The following GRAMD2B variants were observed in gnomAD, a reference collection of about 807,000 sequenced individuals.
The protein encoded by GRAMD2B is GRAM domain-containing protein 2B.
GRAMD2B carries 41 observed loss-of-function variants against 59.2 expected under a neutral mutation model. That is an observed-to-expected ratio of 0.69 (90% CI 0.54 to 0.90). The LOEUF is 0.90. GRAMD2B is among the 40% of genes least tolerant of loss of function. GRAMD2B has a pLI of 0.00. For synonymous variants in GRAMD2B, 161 were observed against 182.7 expected (o/e 0.88, Z 0.96); for missense variants, 424 against 500.5 (o/e 0.85, Z 1.46).
At chr5:126,361,759 C>A (rs557256432) in intron 1 of GRAMD2B, among the ~76,000 whole-genome samples, 1 of 152,210 alleles carries the variant, frequency 6.6e-6, no homozygotes, top group South Asian at 2.1e-4. Flanking sequence ...GGGCAGAGGT[C>A]CCATTCTAAC....
intron 3 of GRAMD2B, among the ~76,000 whole-genome samples, chr5:126,471,759 G>C (rs899342036): frequency 5.9e-5 from 9 of 152,156 alleles, no homozygotes; most frequent in Non-Finnish European, 1.2e-4. Context: ...GGAAACCAAG[G>C]CCCAGGGAGA....
chr5:126,467,269 C>G (rs1259175952), intron 2 of GRAMD2B, among the ~76,000 whole-genome samples: 1 of 151,758 alleles, frequency 6.6e-6, no homozygotes, highest in Non-Finnish European at 1.5e-5. Flanking sequence ...GACTTTGTCT[C>G]TATATAAAAA....
At chr5:126,393,609 T>C (rs1030151121) in intron 1 of GRAMD2B, among the ~76,000 whole-genome samples, 1 of 152,126 alleles carries the variant, frequency 6.6e-6, no homozygotes, top group Non-Finnish European at 1.5e-5. Flanking sequence ...GTCAATTATC[T>C]TGAACCTCCA....
At chr5:126,465,868 C>T (rs1404083182) in intron 2 of GRAMD2B, among the ~76,000 whole-genome samples, 1 of 152,090 alleles carries the variant, frequency 6.6e-6, no homozygotes, top group Non-Finnish European at 1.5e-5. Flanking sequence ...CTTGGGTGTG[C>T]ACACCTGGTG....
chr5:126,391,850 G>A (rs772259049), intron 1 of GRAMD2B, among the ~76,000 whole-genome samples: 84 of 152,006 alleles, frequency 5.5e-4, no homozygotes, highest in Non-Finnish European at 7.4e-4. Flanking sequence ...TTCTGTTTGT[G>A]GTACTAAAAT....
intron 5 of GRAMD2B, among the ~76,000 whole-genome samples, chr5:126,474,469 C>T (rs1031996947): frequency 2.0e-5 from 3 of 152,108 alleles, no homozygotes; most frequent in South Asian, 2.1e-4. Flanking sequence ...ATTATTTGAT[C>T]GACAGTATTA....
At chr5:126,490,781 G>A (rs764167099) in intron 13 of GRAMD2B, among the ~76,000 whole-genome samples, 5 of 152,234 alleles carry the variant, frequency 3.3e-5, no homozygotes, top group Middle Eastern at 3.4e-3. Flanking sequence ...CACCTTCGGG[G>A]GCCGGTGATG....
chr5:126,400,159 A>G (rs1348354063), intron 1 of GRAMD2B, among the ~76,000 whole-genome samples: 2 of 152,012 alleles, frequency 1.3e-5, no homozygotes, highest in Non-Finnish European at 2.9e-5. Flanking sequence ...CATGAAAGTG[A>G]AAAGATAAAA....
rs943453586 is a variant in GRAMD2B at position 126,403,356 on chromosome 5, T to C, written c.125+31789T>C. On this transcript the variant is annotated intron_variant, in intron 1 of 8. Transcript: ENST00000506445. ...GGAATCTGAGTTCTTTCCACATTACTGTTTATGTAGGAAAATATATTTGGC... is the reference window on the plus strand; with the variant it reads ...GGAATCTGAGTTCTTTCCACATTACCGTTTATGTAGGAAAATATATTTGGC... 6.1e-4 allele frequency among the ~76,000 whole-genome samples: 92 copies of C among 152,026 alleles called. 6 individuals carry two copies. The highest frequency in any genetic ancestry group is 1.5e-5 in the Non-Finnish European group (1 of 67,940).
chr5:126,379,836 A>AT (rs1755511242), intron 1 of GRAMD2B, among the ~76,000 whole-genome samples: 1 of 151,796 alleles, frequency 6.6e-6, no homozygotes, highest in Non-Finnish European at 1.5e-5. Context: ...GATTGTGAAG[A>AT]TTTTCTCCCA....
At chr5:126,364,897 C>T (rs1754371839) in intron 1 of GRAMD2B, among the ~76,000 whole-genome samples, 1 of 152,084 alleles carries the variant, frequency 6.6e-6, no homozygotes, top group Admixed American at 6.6e-5. Flanking sequence ...CTACTCTGGC[C>T]CCTGGTGCTC....
At chr5:126,476,560 T>C (rs1213674890) in intron 5 of GRAMD2B, among the ~76,000 whole-genome samples, 3 of 152,214 alleles carry the variant, frequency 2.0e-5, no homozygotes, top group Non-Finnish European at 4.4e-5. Context: ...TTATAGCACA[T>C]TGTATTGAAA....
At chr5:126,378,962 T>C (rs1195186597) in intron 1 of GRAMD2B, among the ~76,000 whole-genome samples, 1 of 152,206 alleles carries the variant, frequency 6.6e-6, no homozygotes, top group Non-Finnish European at 1.5e-5. Context: ...GTTACAATGA[T>C]AAGTTCCTTA....
rs77218786 is a variant in GRAMD2B, at chr5:126,414,510, G to A, written c.125+42943G>A. On this transcript the variant is annotated intron_variant, in intron 1 of 8. Transcript: ENST00000506445. ...GGTCTCACTCATCACTCAGGTTGCAGTGTAATGGCTCAGTCAGTCATGGCT... is the reference window on the plus strand; with the variant it reads ...GGTCTCACTCATCACTCAGGTTGCAATGTAATGGCTCAGTCAGTCATGGCT... Among the ~76,000 whole-genome samples, 135 of 152,294 alleles carry A rather than the reference G, an allele frequency of 8.9e-4. 1 individual carries two copies. The highest frequency in any genetic ancestry group is 3.2e-3 in the African/African-American group (131 of 41,564).
At chr5:126,420,011 T>C (rs371783550), upstream of GRAMD2B, among the ~76,000 whole-genome samples, 40 of 128,474 alleles carry the variant, frequency 3.1e-4, no homozygotes, top group East Asian at 8.0e-3. Flanking sequence ...GCTGAGATCG[T>C]GCCACTGCAC....
Position 126,423,528 on chromosome 5 carries a change from C to T in GRAMD2B, c.-79C>T. ...CGGCGCCGCTTGCTTGGCCTGCGCA[C>T]CCGGACCTAGAAGCCGGGACGAGCC... On this transcript the variant is annotated 5_prime_UTR_variant, in exon 1 of 14. Coordinates refer to ENST00000285689, the MANE Select transcript of GRAMD2B (RefSeq NM_023927.4). 4 of 1,559,258 alleles carry T rather than the reference C, an allele frequency of 2.6e-6. No homozygotes were observed. The highest frequency in any genetic ancestry group is 3.5e-6 in the Non-Finnish European group (4 of 1,154,042).
At chr5:126,479,649 T>G (rs1429363187) in intron 6 of GRAMD2B, among the ~76,000 whole-genome samples, 2 of 152,192 alleles carry the variant, frequency 1.3e-5, no homozygotes, top group Non-Finnish European at 2.9e-5. Flanking sequence ...TGCAACTGGA[T>G]CTGCCTGATG....
intron 1 of GRAMD2B, among the ~76,000 whole-genome samples, chr5:126,417,404 C>T (rs764984007): frequency 7.2e-5 from 11 of 152,228 alleles, no homozygotes; most frequent in Admixed American, 5.9e-4. Context: ...GAGCACTGCA[C>T]AGACACTGAA....
intron 1 of GRAMD2B, among the ~76,000 whole-genome samples, chr5:126,392,751 A>G (rs555995691): frequency 7.2e-5 from 11 of 152,232 alleles, no homozygotes; most frequent in African/African-American, 2.2e-4. Context: ...AAACGGTTTC[A>G]TGATAAAACT....
Sources: allele counts gnomAD v4.1 joint callset (sites outside exome capture counted in the v4.1 genomes callset), GRCh38; gene constraint gnomAD v4.1.1; transcripts MANE v1.5; gene names NCBI Gene and HGNC (gene_info 2026-07-23, HGNC 2026-07-21).